The following FGL1 variants were observed in gnomAD, a reference collection of about 807,000 sequenced individuals.
The protein encoded by FGL1 is fibrinogen-like protein 1.
A neutral mutation model predicts 43.7 loss-of-function variants in FGL1; 59 were observed. The observed-to-expected ratio is 1.35, with a 90% confidence interval of 1.10 to 1.68. FGL1 has a LOEUF of 1.68. Ranked by LOEUF, FGL1 falls within the 40% of genes most tolerant of loss-of-function variation. The pLI, the probability that FGL1 is intolerant of heterozygous loss-of-function variation, is 0.00. For synonymous variants in FGL1, 192 were observed against 126.5 expected, an observed-to-expected ratio of 1.52 and a Z score of -3.48; for missense variants, 596 against 373.0, an observed-to-expected ratio of 1.60 and a Z score of -4.92.
chr8:17,869,991 T>A (rs1370892737), intron 5 of FGL1, among the ~76,000 whole-genome samples: 1 of 152,044 alleles, frequency 6.6e-6, no homozygotes, highest in East Asian at 1.9e-4. Flanking sequence ...GCACCTGTAG[T>A]CCCAGCTACT....
At chr8:17,882,200 G>A (rs1290340218) in intron 2 of FGL1, 21 bp from the exon 3 acceptor site, 1 of 1,605,182 alleles carries the variant, frequency 6.2e-7, no homozygotes, top group Non-Finnish European at 8.5e-7. Flanking sequence ...GGTGAGATGA[G>A]ATGAGTATGC....
In FGL1 at chr8:17,881,992, T is replaced by C; in HGVS notation, c.244+7A>G. ...TATAGAAACACTTAAGAAAAGTCCATTCTGACCTGCATACTGCCTCTTGCT... is the reference window on the plus strand; with the variant it reads ...TATAGAAACACTTAAGAAAAGTCCACTCTGACCTGCATACTGCCTCTTGCT... On this transcript the variant is annotated splice_region_variant and intron_variant, in intron 3 of 7. Coordinates refer to ENST00000427924, the MANE Select transcript of FGL1 (RefSeq NM_004467.4). The C allele has an allele frequency of 6.2e-7, 1 of 1,612,912 alleles. No homozygotes were observed. Among genetic ancestry groups the C allele is most frequent in the East Asian group, 2.2e-5 (1 of 44,850 alleles).
At position 17,864,510 on chromosome 8, in the gene FGL1, G is replaced by A. The variant is rs565494449; in HGVS notation, c.*82C>T. On this transcript the variant is annotated 3_prime_UTR_variant, in exon 8 of 8. Coordinates refer to ENST00000427924, the MANE Select transcript of FGL1 (RefSeq NM_004467.4). ...TACTCACAACAGTTATCATGATTGC[G>A]CATGGATATGTTCAGAATGAGTATT... 1.7e-4 allele frequency: 239 copies of A among 1,401,808 alleles called. No homozygotes were observed. Among genetic ancestry groups the A allele is most frequent in the African/African-American group, 6.2e-4 (43 of 68,892 alleles). The allele number at this position is 1,401,808 out of a possible 1,614,324, so 86.8% of individuals were successfully genotyped here.
chr8:17,894,625 A>C (rs2129442534), intron 1 of FGL1, among the ~76,000 whole-genome samples: 1 of 146,926 alleles, frequency 6.8e-6, no homozygotes, highest in East Asian at 1.9e-4. Flanking sequence ...CATTTACGTC[A>C]AACTCCCATG....
At chr8:17,876,103 A>G (rs2517297) in intron 3 of FGL1, among the ~76,000 whole-genome samples, 18,938 of 152,154 alleles carry the variant, frequency 0.12, 1,791 homozygotes, top group African/African-American at 0.25. Context: ...AGCCGTCTAC[A>G]AACATTTGAA....
intron 1 of FGL1, among the ~76,000 whole-genome samples, chr8:17,890,791 G>C (rs1450898286): frequency 6.6e-6 from 1 of 152,088 alleles, no homozygotes; most frequent in African/African-American, 2.4e-5. Flanking sequence ...TGGCAGGAAG[G>C]GGAAGAGCCA....
chr8:17,864,837 C>G (rs2053246149), intron 7 of FGL1, 86 bp from the exon 8 acceptor site: 2 of 1,191,820 alleles, frequency 1.7e-6, no homozygotes, highest in East Asian at 3.0e-5. Flanking sequence ...TACAAATGCT[C>G]AAAATTTTTG....
At chr8:17,870,906 A>C (rs1008321032) in intron 5 of FGL1, among the ~76,000 whole-genome samples, 2 of 149,348 alleles carry the variant, frequency 1.3e-5, no homozygotes, top group African/African-American at 4.9e-5. Flanking sequence ...CTCTGTCTCA[A>C]AAAAAAAAAG....
At chr8:17,885,916 G>T (rs1297344388) in intron 1 of FGL1, 1 of 177,018 alleles carries the variant, frequency 5.6e-6, no homozygotes, top group Non-Finnish European at 1.2e-5. Context: ...AAATCTGCAC[G>T]CTGGTCTCTG....
intron 1 of FGL1, among the ~76,000 whole-genome samples, chr8:17,891,113 C>T (rs529623330): frequency 2.6e-5 from 4 of 152,114 alleles, no homozygotes; most frequent in South Asian, 2.1e-4. Flanking sequence ...AATGTAAGCA[C>T]GAAGAGGTGA....
At chr8:17,872,548 C>T (rs1402471856) in intron 5 of FGL1, among the ~76,000 whole-genome samples, 1 of 152,142 alleles carries the variant, frequency 6.6e-6, no homozygotes, top group Non-Finnish European at 1.5e-5. Flanking sequence ...AGGGGTCCAC[C>T]CACCTCAGCA....
At chr8:17,889,942 C>A (rs1290990649) in intron 1 of FGL1, among the ~76,000 whole-genome samples, 1 of 152,202 alleles carries the variant, frequency 6.6e-6, no homozygotes, top group African/African-American at 2.4e-5. Context: ...TTGCAGCTTA[C>A]TTGATCAGAG....
intron 7 of FGL1, among the ~76,000 whole-genome samples, chr8:17,867,455 T>C (rs184714442): frequency 2.6e-5 from 4 of 152,220 alleles, no homozygotes; most frequent in Non-Finnish European, 4.4e-5. Context: ...TGTTTTTTCC[T>C]ATAATATACA....
chr8:17,866,533 A>T (rs2053272731), intron 7 of FGL1, among the ~76,000 whole-genome samples: 1 of 152,184 alleles, frequency 6.6e-6, no homozygotes, highest in African/African-American at 2.4e-5. Context: ...TCTCTCCCTT[A>T]ATGCCTACTG....
rs80085789 is a variant in FGL1 at position 17,866,505 on chromosome 8, T to A, written c.780-1754A>T. 4.3e-3 allele frequency among the ~76,000 whole-genome samples: 655 copies of A among 152,302 alleles called. 10 individuals are homozygous for A. Among genetic ancestry groups the A allele is most frequent in the East Asian group, 0.014 (75 of 5,184 alleles). On this transcript the variant is annotated intron_variant, in intron 7 of 7. Transcript: ENST00000427924. ...AGGCATGGTAGAAGTAGCACCAAGT[T>A]TCTAAAACAATCTACTTTCTCTCCC...
intron 3 of FGL1, chr8:17,874,733 A>C: frequency 2.6e-6 from 1 of 377,848 alleles, no homozygotes; most frequent in Non-Finnish European, 4.7e-6. Flanking sequence ...AATCCTTGAT[A>C]TAATCATCGA....
chr8:17,875,596 T>C (rs1360573818), intron 3 of FGL1, among the ~76,000 whole-genome samples: 33 of 145,648 alleles, frequency 2.3e-4, no homozygotes, highest in African/African-American at 8.2e-4. Context: ...TTTCTTTCTT[T>C]CTTTCTTTCT....
chr8:17,885,405 G>T, intron 2 of FGL1, 87 bp downstream of exon 2: 4 of 1,119,096 alleles, frequency 3.6e-6, no homozygotes, highest in Non-Finnish European at 5.3e-6. Flanking sequence ...TCAATGACAA[G>T]TCACTATAGG....
chr8:17,887,161 T>A lies in FGL1; in HGVS notation c.-17-1590A>T, dbSNP rs75142263. 2.9e-3 allele frequency among the ~76,000 whole-genome samples: 444 copies of A among 152,254 alleles called. 2 individuals are homozygous for A. The highest frequency in any genetic ancestry group is 0.01 in the African/African-American group (423 of 41,570). On this transcript the variant is annotated intron_variant, in intron 1 of 7. Transcript: ENST00000427924. Reference sequence around the variant, plus strand: ...TCTCTTGCAGCCAGGCAACCGGCTCTACACTCTTCCTACCACTTTCCAGGC... The same window carrying A: ...TCTCTTGCAGCCAGGCAACCGGCTCAACACTCTTCCTACCACTTTCCAGGC...
Sources: allele counts gnomAD v4.1 joint callset (sites outside exome capture counted in the v4.1 genomes callset), GRCh38; gene constraint gnomAD v4.1.1; transcripts MANE v1.5; gene names NCBI Gene and HGNC (gene_info 2026-07-23, HGNC 2026-07-21).